CACNA2D3: variants seen among roughly 807,000 people sequenced by gnomAD.
CACNA2D3 encodes the protein calcium voltage-gated channel auxiliary subunit alpha2delta 3, also known as voltage-dependent calcium channel subunit alpha-2/delta-3.
In CACNA2D3, 60 loss-of-function variants were observed where a neutral mutation model predicts 160.6. The observed-to-expected ratio is 0.37, with a 90% CI of 0.30 to 0.46. The LOEUF (loss-of-function observed/expected upper bound fraction) is 0.46, where lower values mean the gene tolerates loss of function less well. Ranked by LOEUF, CACNA2D3 falls within the 20% of genes least tolerant of loss-of-function variation. CACNA2D3 has a pLI of 1.00. For missense variants in CACNA2D3, 1,205 were observed against 1,365.0 expected, an observed-to-expected ratio of 0.88 and a Z score of 1.85; for synonymous variants, 558 against 492.9, an observed-to-expected ratio of 1.13 and a Z score of -1.75.
At chr3:54,337,014 G>A (rs1575402610) in intron 3 of CACNA2D3, among the ~76,000 whole-genome samples, 1 of 152,244 alleles carries the variant, frequency 6.6e-6, no homozygotes, top group Middle Eastern at 3.4e-3. Context: ...GACCAGTGAT[G>A]ATGATGTGCT....
chr3:54,641,991 A>G (rs928033444), intron 10 of CACNA2D3, 137 bp from the exon 11 acceptor site: 6 of 519,606 alleles, frequency 1.2e-5, no homozygotes, highest in South Asian at 5.9e-5. Context: ...GACTTTTTGT[A>G]TAGGTTGTTT....
intron 2 of CACNA2D3, among the ~76,000 whole-genome samples, chr3:54,307,692 G>A (rs1473954330): frequency 1.3e-5 from 2 of 152,128 alleles, no homozygotes; most frequent in Non-Finnish European, 2.9e-5. Context: ...CTGGCTTTTG[G>A]CCCTGTAACT....
At chr3:54,506,381 A>G (rs1009789252) in intron 5 of CACNA2D3, among the ~76,000 whole-genome samples, 6 of 152,186 alleles carry the variant, frequency 3.9e-5, no homozygotes, top group African/African-American at 1.2e-4. Context: ...CTGTGGGCAT[A>G]TACCAAAGTG....
chr3:54,620,705 T>C (rs1174058788), intron 9 of CACNA2D3, among the ~76,000 whole-genome samples: 3 of 152,152 alleles, frequency 2.0e-5, no homozygotes, highest in Non-Finnish European at 2.9e-5. Context: ...CCCACCTGCA[T>C]GCTGTAGTTT....
intron 9 of CACNA2D3, chr3:54,626,148 G>A (rs1699094596): frequency 1.5e-6 from 1 of 651,388 alleles, no homozygotes; most frequent in Admixed American, 2.6e-5. Flanking sequence ...AATAGAAAAA[G>A]CAAGGGGAGT....
chr3:54,879,847 T>C (rs963787442), intron 20 of CACNA2D3, among the ~76,000 whole-genome samples: 2 of 152,218 alleles, frequency 1.3e-5, no homozygotes, highest in African/African-American at 4.8e-5. Flanking sequence ...CTCTGAACTG[T>C]CCTTGTGTGC....
chr3:54,813,774 A>G (rs1703387545), intron 13 of CACNA2D3, among the ~76,000 whole-genome samples: 1 of 151,836 alleles, frequency 6.6e-6, no homozygotes, highest in African/African-American at 2.4e-5. Flanking sequence ...TAGTCACTAG[A>G]GTTGTGCTCA....
intron 13 of CACNA2D3, among the ~76,000 whole-genome samples, chr3:54,779,899 C>T (rs886874805): frequency 1.5e-4 from 23 of 152,160 alleles, no homozygotes; most frequent in African/African-American, 5.1e-4. Context: ...TGAACAGTAG[C>T]GTAAGGACTG....
chr3:54,285,779 G>A (rs967391661), intron 2 of CACNA2D3, among the ~76,000 whole-genome samples: 11 of 152,284 alleles, frequency 7.2e-5, no homozygotes, highest in East Asian at 5.8e-4. Context: ...ACCAAAATCC[G>A]CTGTTCTGCA....
At chr3:54,882,270 T>C (rs1364425621) in intron 21 of CACNA2D3, among the ~76,000 whole-genome samples, 8 of 152,214 alleles carry the variant, frequency 5.3e-5, no homozygotes, top group Admixed American at 2.6e-4. Flanking sequence ...AAGAAACAAC[T>C]CATGGTCAGA....
At chr3:54,885,638 T>G in intron 23 of CACNA2D3, 52 bp downstream of exon 23, 4 of 1,420,850 alleles carry the variant, frequency 2.8e-6, no homozygotes, top group Non-Finnish European at 3.9e-6. Context: ...TGGTGGGGAA[T>G]GAACTCAAAA....
chr3:54,312,654 T>C (rs142574885), intron 2 of CACNA2D3, among the ~76,000 whole-genome samples: 2 of 152,356 alleles, frequency 1.3e-5, no homozygotes, highest in African/African-American at 4.8e-5. Flanking sequence ...GCAGAAATAA[T>C]GCATTTCTGT....
rs533882806 is a variant in CACNA2D3, at chr3:55,009,414, G to A, written c.2846G>A (p.Ser949Asn). ...TTCCTGGTGGAATTTAACCTCTGCA[G>A]TTGGTGGCACTCCGATATGACAGCT... ...VLFLVEFNLC[S>N]WWHSDMTAKA... Residue 949 changes from serine to asparagine, a missense_variant, in exon 34 of 38, where the codon AGT (serine) becomes AAT (asparagine). Around this residue, in one of 3 missense-constraint regions of CACNA2D3, gnomAD observed 911 missense variants for 1,002.2 expected, o/e 0.91. Transcript: ENST00000474759. 5 of 1,613,964 alleles carry A rather than the reference G, an allele frequency of 3.1e-6. No homozygotes were observed. In the South Asian group the frequency reaches 5.5e-5, roughly 18 times the overall value.
intron 11 of CACNA2D3, among the ~76,000 whole-genome samples, chr3:54,649,527 G>C (rs1699718725): frequency 6.6e-6 from 1 of 152,202 alleles, no homozygotes; most frequent in Non-Finnish European, 1.5e-5. Flanking sequence ...ATTGCTCACA[G>C]TCCTGGAGGC....
At chr3:54,839,460 C>T (rs1698772950) in intron 16 of CACNA2D3, among the ~76,000 whole-genome samples, 1 of 152,120 alleles carries the variant, frequency 6.6e-6, no homozygotes, top group Non-Finnish European at 1.5e-5. Flanking sequence ...CAGAGAGCAG[C>T]CCCCACCAGA....
At chr3:54,840,775 T>C (rs1238895203) in intron 16 of CACNA2D3, among the ~76,000 whole-genome samples, 1 of 137,284 alleles carries the variant, frequency 7.3e-6, no homozygotes, top group African/African-American at 2.8e-5. Context: ...AGGGCTGGAG[T>C]GCAGTGGCAT....
chr3:54,170,234 G>A (rs763467673), intron 2 of CACNA2D3, among the ~76,000 whole-genome samples: 3 of 151,284 alleles, frequency 2.0e-5, no homozygotes, highest in Non-Finnish European at 4.4e-5. Flanking sequence ...TGGCCTGGGA[G>A]TAGGCCATTC....
chr3:54,597,825 T>C (rs574881913), intron 9 of CACNA2D3, among the ~76,000 whole-genome samples: 3 of 152,168 alleles, frequency 2.0e-5, no homozygotes, highest in Non-Finnish European at 4.4e-5. Context: ...TTGGGGTGAA[T>C]TTAAATTCTG....
chr3:54,429,491 C>T (rs1218812866), intron 4 of CACNA2D3, among the ~76,000 whole-genome samples: 5 of 152,060 alleles, frequency 3.3e-5, no homozygotes, highest in Non-Finnish European at 4.4e-5. Flanking sequence ...TTGTGAATTT[C>T]GGCTAGATCC....
Sources: allele counts gnomAD v4.1 joint callset (sites outside exome capture counted in the v4.1 genomes callset), GRCh38; gene constraint gnomAD v4.1.1; regional missense constraint gnomAD v4.1.1; transcripts MANE v1.5; gene names NCBI Gene and HGNC (gene_info 2026-07-23, HGNC 2026-07-21).